Variants in ASPM observed in about 807,000 individuals in gnomAD.
The protein encoded by ASPM is assembly factor for spindle microtubules, also known as abnormal spindle-like microcephaly-associated protein.
ASPM carries 256 observed loss-of-function variants against 366.4 expected under a neutral mutation model. The ratio of observed to expected loss-of-function variants is 0.70; its 90% confidence interval spans 0.63 to 0.77. The LOEUF is 0.77. Ranked by LOEUF, ASPM falls within the 30% of genes least tolerant of loss-of-function variation. ASPM has a pLI of 0.00. For missense variants in ASPM, 4,146 were observed against 4,090.4 expected (o/e 1.01, Z -0.37); for synonymous variants, 1,414 against 1,342.9 (o/e 1.05, Z -1.16).
intron 17 of ASPM, among the ~76,000 whole-genome samples, chr1:197,108,710 C>A (rs1262741610): frequency 6.6e-6 from 1 of 151,982 alleles, no homozygotes; most frequent in Non-Finnish European, 1.5e-5. Context: ...GTAGCTCACA[C>A]CTGTATTCCT....
Position 197,088,308 on chromosome 1 carries a change from G to A in ASPM, c.10109C>T (p.Thr3370Ile). Reference protein sequence around the residue: ...KVADKGGSIFTKTCCLLAILL... With the variant: ...KVADKGGSIFIKTCCLLAILL... Reference sequence around the variant, plus strand: ...AATAGCCAACAAACAACAAGTTTTTGTAAAAATGCTTCCGCCTTTGTCTGC... The same window carrying A: ...AATAGCCAACAAACAACAAGTTTTTATAAAAATGCTTCCGCCTTTGTCTGC... The change falls in exon 26 of 28, where the codon ACA (threonine) becomes ATA (isoleucine). Residue 3370 changes from threonine (T) to isoleucine (I), a missense_variant. Thr to Ile is a moderately conservative substitution (Grantham distance 89, BLOSUM62 -1). This residue lies in a region of ASPM where 3,624 missense variants were observed against 3,591.7 expected (regional missense o/e 1.01). Coordinates refer to ENST00000367409, the MANE Select transcript of ASPM (RefSeq NM_018136.5). 6.2e-7 allele frequency: 1 copy of A among 1,613,438 alleles called. No homozygotes were observed. The highest frequency in any genetic ancestry group is 8.5e-7 in the Non-Finnish European group (1 of 1,179,722).
In ASPM at chr1:197,143,836, A is replaced by G. The variant is rs76822237; in HGVS notation, c.442-26T>C. The G allele has an allele frequency of 1.4e-3, 2,227 of 1,602,386 alleles. 14 individuals are homozygous for G. The African/African-American group carries it at 0.022, about 16-fold the overall frequency. Reference sequence around the variant, plus strand: ...CTGCAAAAATAAGGAAAATATACCAATTAAGTTTGTAGCTATTGAATATTA... The same window carrying G: ...CTGCAAAAATAAGGAAAATATACCAGTTAAGTTTGTAGCTATTGAATATTA... On this transcript the variant is annotated intron_variant, in intron 2 of 27. Coordinates refer to ENST00000367409, the MANE Select transcript of ASPM (RefSeq NM_018136.5).
chr1:197,102,749 T>C lies in ASPM; in HGVS notation c.6502A>G (p.Lys2168Glu). 1.2e-6 allele frequency: 2 copies of C among 1,612,740 alleles called. No individual in the cohort carries two copies. Among genetic ancestry groups the C allele is most frequent in the Non-Finnish European group, 1.7e-6 (2 of 1,179,274 alleles). ...MQREKYLTIL[K>E]AVKVLQASFR... ...CTTGCCTGAAGGACTTTAACAGCTT[T>C]CAAAATTGTCAGGTACTTTTCACGC... is the stretch of plus-strand genomic sequence containing the variant. Residue 2168 changes from lysine to glutamate, a missense_variant, in exon 18 of 28, where the codon AAA becomes GAA. Transcript: ENST00000367409.
At position 197,110,349 on chromosome 1, in the gene ASPM, A is replaced by G. The variant is rs544858013; in HGVS notation, c.4066-5164T>C. 8.5e-5 allele frequency among the ~76,000 whole-genome samples: 13 copies of G among 152,248 alleles called. No homozygotes were observed. In the East Asian group the frequency reaches 2.5e-3, roughly 29 times the overall value. On this transcript the variant is annotated intron_variant, in intron 17 of 27. Transcript: ENST00000367409. ...GTTTTTTACAGCAAATAGTGTTGGA[A>G]TAATTGGACATGTATATATAAAAAA...
chr1:197,117,642 C>T (rs934678307), intron 17 of ASPM, 147 bp downstream of exon 17: 1 of 720,370 alleles, frequency 1.4e-6, no homozygotes, highest in Non-Finnish European at 2.3e-6. Flanking sequence ...CCATAACGAG[C>T]TTTTCAGGTA....
At chr1:197,099,199 C>T (rs1406158189) in intron 18 of ASPM, among the ~76,000 whole-genome samples, 1 of 151,294 alleles carries the variant, frequency 6.6e-6, no homozygotes, top group East Asian at 1.9e-4. Context: ...CTTTTCCAGT[C>T]CATCTTCCAC....
chr1:197,101,053 T>C lies in ASPM; in HGVS notation c.8198A>G (p.Lys2733Arg). 6.2e-7 allele frequency: 1 copy of C among 1,611,446 alleles called. No individual in the cohort carries two copies. Residue 2733 changes from lysine (K) to arginine (R), a missense_variant, in exon 18 of 28, where the codon AAA becomes AGA. Physicochemically the swap from Lys to Arg is conservative, Grantham distance 26. Around this residue, in one of 3 missense-constraint regions of ASPM, gnomAD observed 3,624 missense variants for 3,591.7 expected, o/e 1.01. Coordinates refer to ENST00000367409, the MANE Select transcript of ASPM (RefSeq NM_018136.5). ...RLYVRVKTER[K>R]NFLAVQKSVR... ...AGATTTCTGAACTGCTAAAAAGTTT[T>C]TTCTTTCTGTTTTTACTCTAACATA...
rs142931621 is a variant in ASPM at position 197,085,550 on chromosome 1, T to C, written c.10332-1124A>G. ...AACAAAGTGTGGTACGACCATACAATGGAATAGTACTAAGTGATAGAAAGG... is the reference window on the plus strand; with the variant it reads ...AACAAAGTGTGGTACGACCATACAACGGAATAGTACTAAGTGATAGAAAGG... On this transcript the variant is annotated intron_variant, in intron 27 of 27. Coordinates refer to ENST00000367409, the MANE Select transcript of ASPM (RefSeq NM_018136.5). 3.7e-3 allele frequency among the ~76,000 whole-genome samples: 566 copies of C among 152,230 alleles called. 3 individuals are homozygous for C. Among genetic ancestry groups the C allele is most frequent in the African/African-American group, 0.013 (536 of 41,536 alleles).
Position 197,117,985 on chromosome 1 carries a change from T to C in ASPM, c.3871-2A>G, listed in dbSNP as rs1657794021. The stretch of plus-strand genomic sequence containing the variant: ...AATTCTTGCAGCTTTCTCTCTCTCC[T>C]AAAATAAAAAAGTCAGCAAATGTAA... On this transcript the variant is annotated splice_acceptor_variant, in intron 16 of 27. Coordinates refer to ENST00000367409, the MANE Select transcript of ASPM (RefSeq NM_018136.5). LOFTEE classifies it high-confidence loss of function. 2 of 1,612,286 alleles carry C rather than the reference T, an allele frequency of 1.2e-6. No homozygotes were observed. The highest frequency in any genetic ancestry group is 2.2e-5 in the South Asian group (2 of 91,054).
rs57665163 is a variant in ASPM, at chr1:197,098,350, C to G, written c.8820+2081G>C. On this transcript the variant is annotated intron_variant, in intron 18 of 27. Coordinates refer to ENST00000367409, the MANE Select transcript of ASPM (RefSeq NM_018136.5). ...TTGCTTCCCATACCAATTAGAATATCTAAAGGTAGGAGTATGTTTTAAAAT... is the reference window on the plus strand; with the variant it reads ...TTGCTTCCCATACCAATTAGAATATGTAAAGGTAGGAGTATGTTTTAAAAT... 6.3e-3 allele frequency among the ~76,000 whole-genome samples: 961 copies of G among 151,582 alleles called. 12 individuals carry two copies. Among genetic ancestry groups the G allele is most frequent in the African/African-American group, 0.022 (924 of 41,412 alleles).
chr1:197,104,563 G>C lies in ASPM; in HGVS notation c.4688C>G (p.Ala1563Gly), dbSNP rs775266988. 6.2e-7 allele frequency: 1 copy of C among 1,612,792 alleles called. No homozygotes were observed. Among genetic ancestry groups the C allele is most frequent in the Non-Finnish European group, 8.5e-7 (1 of 1,179,424 alleles). Residue 1563 changes from alanine to glycine, a missense_variant, in exon 18 of 28, where the codon GCT (alanine) becomes GGT (glycine). Physicochemically the swap from Ala to Gly is moderately conservative, Grantham distance 60. Around this residue, in one of 3 missense-constraint regions of ASPM, gnomAD observed 3,624 missense variants for 3,591.7 expected, o/e 1.01. Coordinates refer to ENST00000367409, the MANE Select transcript of ASPM (RefSeq NM_018136.5). Reference protein sequence around the residue: ...AHNLCRQIRAACVIQSYWRMR... With the variant: ...AHNLCRQIRAGCVIQSYWRMR... The stretch of plus-strand genomic sequence containing the variant: ...TCTCCAGTATGACTGAATAACACAA[G>C]CAGCTCTAATTTGTCTACATAAATT...
rs1303646162 is a variant in ASPM at position 197,142,713 on chromosome 1, A to G, written c.1539T>C (p.Asn513=). The change falls in exon 3 of 28, where the codon AAT becomes AAC. Residue 513 remains asparagine, a synonymous_variant. Transcript: ENST00000367409. The part of the protein sequence containing the change: ...TCTRENQTEI[N]KPKAKRCLNS... Reference sequence around the variant, plus strand: ...TGAGACATCTTTTTGCTTTTGGTTTATTAATCTCAGTTTGGTTTTCTCTGG... The same window carrying G: ...TGAGACATCTTTTTGCTTTTGGTTTGTTAATCTCAGTTTGGTTTTCTCTGG... 8.7e-6 allele frequency: 14 copies of G among 1,613,768 alleles called. No homozygotes were observed. The highest frequency in any genetic ancestry group is 1.2e-5 in the Non-Finnish European group (14 of 1,179,852).
chr1:197,092,199 T>C lies in ASPM; in HGVS notation c.9295-143A>G. 2.1e-5 allele frequency: 17 copies of C among 790,996 alleles called. No homozygotes were observed. The South Asian group carries it at 2.8e-4, about 13-fold the overall frequency. 49.0% of individuals were successfully genotyped at this position (790,996 alleles called of 1,614,324 possible). A position where few individuals can be genotyped will look rare whatever the true frequency, so the allele number is the denominator to read the frequency against. On this transcript the variant is annotated intron_variant, in intron 21 of 27. Coordinates refer to ENST00000367409, the MANE Select transcript of ASPM (RefSeq NM_018136.5). ...TTAATCATTACAATTACTTATATTG[T>C]AATTCAAAGTAATTACAATATTGTA...
At chr1:197,107,074 A>T (rs1482833376) in intron 17 of ASPM, among the ~76,000 whole-genome samples, 1 of 152,024 alleles carries the variant, frequency 6.6e-6, no homozygotes, top group Non-Finnish European at 1.5e-5. Context: ...CTCAATCTTC[A>T]GTTTTCTGGT....
Position 197,104,063 on chromosome 1 carries a change from C to T in ASPM, c.5188G>A (p.Glu1730Lys), listed in dbSNP as rs570275011. 1.9e-6 allele frequency: 3 copies of T among 1,612,946 alleles called. No individual in the cohort carries two copies. Among genetic ancestry groups the T allele is most frequent in the Admixed American group, 3.3e-5 (2 of 59,870 alleles). Reference sequence around the variant, plus strand: ...AATGCTTGCAGTTTGATACAAGATTCCCGCATCTGCATATACTCTTCTCTC... The same window carrying T: ...AATGCTTGCAGTTTGATACAAGATTTCCGCATCTGCATATACTCTTCTCTC... ...QKREEYMQMR[E>K]SCIKLQAFVR... Residue 1730 changes from glutamate to lysine, a missense_variant, in exon 18 of 28, where the codon GAA (glutamate) becomes AAA (lysine). Glu to Lys is a moderately conservative substitution (Grantham distance 56). Transcript: ENST00000367409.
At chr1:197,112,149 A>G (rs116321281) in intron 17 of ASPM, among the ~76,000 whole-genome samples, 2,780 of 152,324 alleles carry the variant, frequency 0.018, 86 homozygotes, top group African/African-American at 0.063. Flanking sequence ...AAAATGCGGT[A>G]CATATATACC....
At position 197,100,957 on chromosome 1, in the gene ASPM, T is replaced by G. The variant is rs886045764; in HGVS notation, c.8294A>C (p.Lys2765Thr). 3.1e-6 allele frequency: 5 copies of G among 1,612,650 alleles called. No individual in the cohort carries two copies. The highest frequency in any genetic ancestry group is 4.2e-6 in the Non-Finnish European group (5 of 1,179,158). The change falls in exon 18 of 28, where the codon AAG becomes ACG. Residue 2765 changes from lysine to threonine, a missense_variant. Physicochemically the swap from Lys to Thr is moderately conservative, Grantham distance 78 (BLOSUM62 -1). Around this residue, in one of 3 missense-constraint regions of ASPM, gnomAD observed 3,624 missense variants for 3,591.7 expected, o/e 1.01. Transcript: ENST00000367409. ...RQKLKNVSEE[K>T]MAAIVNQSAL... Reference sequence around the variant, plus strand: ...AGATTGGTTAACAATGGCTGCCATCTTTTCCTCTGATACATTTTTCAATTT... The same window carrying G: ...AGATTGGTTAACAATGGCTGCCATCGTTTCCTCTGATACATTTTTCAATTT...
Position 197,102,656 on chromosome 1 carries a change from T to C in ASPM, c.6595A>G (p.Asn2199Asp). 1 of 1,612,802 alleles carries C rather than the reference T, an allele frequency of 6.2e-7. No homozygotes were observed. The highest frequency in any genetic ancestry group is 8.5e-7 in the Non-Finnish European group (1 of 1,179,288). The part of the protein sequence containing the change: ...MQTAATLIQS[N>D]YRRYRQQTYF... ...GTTTGCTGTCTGTATCTTCTGTAGT[T>C]TGACTGAATGAGTGTTGCTGCAGTC... The change falls in exon 18 of 28, where the codon AAC becomes GAC. Residue 2199 changes from asparagine (N) to aspartate (D), a missense_variant. Asn to Asp is a conservative substitution (Grantham distance 23). Around this residue, in one of 3 missense-constraint regions of ASPM, gnomAD observed 3,624 missense variants for 3,591.7 expected, o/e 1.01. Transcript: ENST00000367409.
At chr1:197,142,200 T>G in intron 3 of ASPM, 131 bp downstream of exon 3, 3 of 981,630 alleles carry the variant, frequency 3.1e-6, no homozygotes, top group Non-Finnish European at 4.6e-6. Flanking sequence ...TGTATTCACA[T>G]TTGCTAAGGA....
Sources: allele counts gnomAD v4.1 joint callset (sites outside exome capture counted in the v4.1 genomes callset), GRCh38; gene constraint gnomAD v4.1.1; regional missense constraint gnomAD v4.1.1; transcripts MANE v1.5; gene names NCBI Gene and HGNC (gene_info 2026-07-23, HGNC 2026-07-21).